PCDH10: variants seen among roughly 807,000 people sequenced by gnomAD.
The protein encoded by PCDH10 is protocadherin 10.
PCDH10 carries 15 observed loss-of-function variants against 74.4 expected under a neutral mutation model. The observed-to-expected ratio is 0.20, with a 90% CI of 0.13 to 0.31. The LOEUF (loss-of-function observed/expected upper bound fraction) is 0.31. Ranked by LOEUF, PCDH10 falls within the 10% of genes least tolerant of loss-of-function variation. PCDH10 has a pLI of 1.00. For synonymous variants in PCDH10, 619 were observed against 589.8 expected (o/e 1.05, Z -0.72); for missense variants, 1,260 against 1,390.2 (o/e 0.91, Z 1.49).
downstream of PCDH10, among the ~76,000 whole-genome samples, chr4:133,197,908 T>C (rs1489605862): frequency 1.3e-5 from 2 of 151,980 alleles, no homozygotes; most frequent in East Asian, 3.9e-4. Flanking sequence ...TTGTGTTTCC[T>C]AATTAATAAT....
intron 2 of PCDH10, among the ~76,000 whole-genome samples, chr4:133,205,717 TA>T (rs1727986659): frequency 6.6e-6 from 1 of 152,110 alleles, no homozygotes; most frequent in Non-Finnish European, 1.5e-5. Context: ...ATATACTTTC[TA>T]GGGTATTTTC....
chr4:133,170,938 A>G (rs1204368365), intron 4 of PCDH10, among the ~76,000 whole-genome samples: 1 of 151,426 alleles, frequency 6.6e-6, no homozygotes, highest in African/African-American at 2.4e-5. Context: ...GGCCTCCCAA[A>G]GTGCTGGGAT....
intron 4 of PCDH10, among the ~76,000 whole-genome samples, chr4:133,181,999 T>C (rs1287520777): frequency 1.3e-5 from 2 of 152,158 alleles, no homozygotes; most frequent in African/African-American, 4.8e-5. Context: ...GTTAATACAT[T>C]AGCTACGTGG....
At chr4:133,182,739 A>G (rs777504617) in intron 4 of PCDH10, among the ~76,000 whole-genome samples, 5 of 152,048 alleles carry the variant, frequency 3.3e-5, no homozygotes, top group Non-Finnish European at 7.4e-5. Flanking sequence ...TGAGATACTA[A>G]TTGGGCAATG....
At position 133,191,139 on chromosome 4, in the gene PCDH10, G is replaced by T. The variant is rs1299844951; in HGVS notation, c.*979G>T. The stretch of plus-strand genomic sequence containing the variant: ...TAGAATCACTTAAAGCTTTTATAAA[G>T]AATCGATAAATTCACCTGTATTTGT... On this transcript the variant is annotated 3_prime_UTR_variant, in exon 5 of 5. Coordinates refer to ENST00000264360, the MANE Select transcript of PCDH10 (RefSeq NM_032961.3). The T allele has an allele frequency of 6.6e-6, 1 of 152,252 alleles. No homozygotes were observed. Among genetic ancestry groups the T allele is most frequent in the Admixed American group, 6.6e-5 (1 of 15,192 alleles). 9.4% of individuals were successfully genotyped at this position (152,252 alleles called of 1,614,324 possible).
At chr4:133,161,459 T>A (rs1389902543) in intron 3 of PCDH10, among the ~76,000 whole-genome samples, 2 of 152,026 alleles carry the variant, frequency 1.3e-5, no homozygotes, top group Non-Finnish European at 2.9e-5. Flanking sequence ...AATTATTTTA[T>A]TTTATATATG....
chr4:133,175,043 AT>A (rs1214935686), intron 4 of PCDH10, among the ~76,000 whole-genome samples: 2 of 151,966 alleles, frequency 1.3e-5, no homozygotes, highest in African/African-American at 4.8e-5. Context: ...TGTTTTCATA[AT>A]GCTTATAAAA....
At chr4:133,169,507 T>A (rs927350363) in intron 4 of PCDH10, among the ~76,000 whole-genome samples, 17 of 152,010 alleles carry the variant, frequency 1.1e-4, no homozygotes, top group African/African-American at 3.9e-4. Flanking sequence ...TTAACATTAT[T>A]TATATACCTC....
downstream of PCDH10, among the ~76,000 whole-genome samples, chr4:133,199,490 C>T (rs1398202867): frequency 6.7e-6 from 1 of 150,158 alleles, no homozygotes; most frequent in African/African-American, 2.4e-5. Flanking sequence ...AGAGGCATTT[C>T]GGGGGGACAA....
At chr4:133,167,473 T>G (rs946853446) in intron 4 of PCDH10, among the ~76,000 whole-genome samples, 12 of 151,504 alleles carry the variant, frequency 7.9e-5, no homozygotes, top group African/African-American at 2.7e-4. Flanking sequence ...TCTCTAGGAT[T>G]TGTGTTTTCC....
At chr4:133,171,601 G>GAT (rs1450156310) in intron 4 of PCDH10, among the ~76,000 whole-genome samples, 1 of 152,064 alleles carries the variant, frequency 6.6e-6, no homozygotes, top group Non-Finnish European at 1.5e-5. Flanking sequence ...TTGTCATGAT[G>GAT]ATATATACCT....
intron 4 of PCDH10, among the ~76,000 whole-genome samples, chr4:133,181,011 G>T (rs181978192): frequency 5.3e-4 from 81 of 151,876 alleles, no homozygotes; most frequent in Admixed American, 1.8e-3. Context: ...GGAAGAAAAA[G>T]AGGTGGTTTA....
intron 4 of PCDH10, among the ~76,000 whole-genome samples, chr4:133,169,073 G>C (rs1466603207): frequency 6.6e-6 from 1 of 151,538 alleles, no homozygotes; most frequent in Non-Finnish European, 1.5e-5. Flanking sequence ...CATATCCTAA[G>C]GCAGAGTTAA....
At chr4:133,174,261 T>C (rs1315774682) in intron 4 of PCDH10, among the ~76,000 whole-genome samples, 2 of 151,960 alleles carry the variant, frequency 1.3e-5, no homozygotes, top group Non-Finnish European at 2.9e-5. Context: ...TTGGAAGATA[T>C]AGAAAGCAGA....
At chr4:133,196,093 C>A (rs1443471438), downstream of PCDH10, among the ~76,000 whole-genome samples, 3 of 152,240 alleles carry the variant, frequency 2.0e-5, no homozygotes, top group African/African-American at 7.2e-5. Flanking sequence ...ATGCATAGCA[C>A]AATTCTAACA....
chr4:133,167,266 G>A (rs1237071869), intron 4 of PCDH10, among the ~76,000 whole-genome samples: 1 of 151,454 alleles, frequency 6.6e-6, no homozygotes. Flanking sequence ...CAAGTTTTTA[G>A]TTGATTGAAA....
intron 4 of PCDH10, among the ~76,000 whole-genome samples, chr4:133,167,111 A>T (rs1352537036): frequency 6.6e-6 from 1 of 151,450 alleles, no homozygotes; most frequent in African/African-American, 2.4e-5. Flanking sequence ...TTGAAATTTC[A>T]ACTTGACGCA....
rs769593678 is a variant in PCDH10, at chr4:133,194,195, G to A, written c.*4035G>A. On this transcript the variant is annotated 3_prime_UTR_variant, in exon 5 of 5. Transcript: ENST00000264360. ...ATTTCTAATCACTGTTATTTTTTAA[G>A]TATTTGTAAAATTAGAAAAATTGCT... is the stretch of plus-strand genomic sequence containing the variant. 2.6e-5 allele frequency: 4 copies of A among 151,794 alleles called. No individual in the cohort carries two copies. Among genetic ancestry groups the A allele is most frequent in the Non-Finnish European group, 5.9e-5 (4 of 67,782 alleles). The allele number at this position is 151,794 out of a possible 1,614,324, so 9.4% of individuals were successfully genotyped here.
chr4:133,199,946 C>T (rs1199743598), intron 2 of PCDH10, among the ~76,000 whole-genome samples: 2 of 151,018 alleles, frequency 1.3e-5, no homozygotes, highest in Admixed American at 6.6e-5. Context: ...TACAGGTGCA[C>T]GCCGCCACGC....
Sources: allele counts gnomAD v4.1 joint callset (sites outside exome capture counted in the v4.1 genomes callset), GRCh38; gene constraint gnomAD v4.1.1; transcripts MANE v1.5; gene names NCBI Gene and HGNC (gene_info 2026-07-23, HGNC 2026-07-21).